GPC5: variants seen among roughly 807,000 people sequenced by gnomAD.
The protein encoded by GPC5 is glypican-5.
In GPC5, 47 loss-of-function variants were observed where a neutral mutation model predicts 53.9. The observed-to-expected ratio is 0.87, with a 90% confidence interval of 0.69 to 1.11. GPC5 has a LOEUF of 1.11. Ranked by LOEUF, GPC5 falls within the 50% of genes most tolerant of loss-of-function variation. The pLI is 0.00. For missense variants in GPC5, 748 were observed against 713.1 expected (o/e 1.05, Z -0.56); for synonymous variants, 286 against 263.3 (o/e 1.09, Z -0.84).
intron 2 of GPC5, among the ~76,000 whole-genome samples, chr13:91,519,540 T>C (rs1885692046): frequency 6.6e-6 from 1 of 152,318 alleles, no homozygotes. Context: ...GTCTCCTTCT[T>C]CGGCCATGTG....
intron 7 of GPC5, among the ~76,000 whole-genome samples, chr13:92,527,985 T>G (rs1340758224): frequency 1.3e-5 from 2 of 152,164 alleles, no homozygotes; most frequent in Non-Finnish European, 2.9e-5. Context: ...CCAATGTTGA[T>G]TCATTCAATA....
intron 5 of GPC5, among the ~76,000 whole-genome samples, chr13:91,887,332 C>G (rs1177233412): frequency 6.6e-6 from 1 of 152,186 alleles, no homozygotes; most frequent in African/African-American, 2.4e-5. Context: ...GCACCTGCAC[C>G]TGGCCCAGGA....
chr13:91,500,529 GCA>G (rs1314626529), intron 2 of GPC5, among the ~76,000 whole-genome samples: 2 of 152,180 alleles, frequency 1.3e-5, no homozygotes, highest in African/African-American at 4.8e-5. Context: ...ATTTGGCCAT[GCA>G]TACACTATGT....
intron 5 of GPC5, among the ~76,000 whole-genome samples, chr13:91,890,914 C>T (rs2039378284): frequency 1.3e-5 from 2 of 152,240 alleles, no homozygotes; most frequent in South Asian, 4.1e-4. Context: ...GTGTACACAT[C>T]AATTTCTTAT....
At chr13:92,742,522 G>T (rs9523797) in intron 7 of GPC5, among the ~76,000 whole-genome samples, 42,843 of 135,944 alleles carry the variant, frequency 0.32, 7,807 homozygotes, top group East Asian at 0.84. Flanking sequence ...TTTCTCCCAT[G>T]TTGTAGGTTG....
At chr13:91,863,979 T>C (rs2039058276) in intron 5 of GPC5, among the ~76,000 whole-genome samples, 2 of 152,358 alleles carry the variant, frequency 1.3e-5, no homozygotes, top group South Asian at 4.1e-4. Flanking sequence ...TTATTGAGTA[T>C]TATTTACATG....
At chr13:92,481,014 C>G (rs1398709287) in intron 7 of GPC5, among the ~76,000 whole-genome samples, 1 of 152,164 alleles carries the variant, frequency 6.6e-6, no homozygotes. Flanking sequence ...CAGGTTCTCC[C>G]CTAGAACATC....
At chr13:91,417,271 T>C (rs1286849003) in intron 1 of GPC5, among the ~76,000 whole-genome samples, 1 of 152,114 alleles carries the variant, frequency 6.6e-6, no homozygotes, top group East Asian at 1.9e-4. Context: ...AACATATGGG[T>C]CCAAATATCA....
At chr13:92,557,760 A>G (rs1241031441) in intron 7 of GPC5, among the ~76,000 whole-genome samples, 1 of 151,874 alleles carries the variant, frequency 6.6e-6, no homozygotes, top group Non-Finnish European at 1.5e-5. Flanking sequence ...TGGCTCAGGA[A>G]TCAACTCCCC....
At chr13:92,786,490 A>G (rs1876237535) in intron 7 of GPC5, among the ~76,000 whole-genome samples, 1 of 152,114 alleles carries the variant, frequency 6.6e-6, no homozygotes, top group Non-Finnish European at 1.5e-5. Flanking sequence ...ATCTGAAAAA[A>G]AGAGCCAAAG....
At chr13:92,379,905 A>G (rs181594743) in intron 7 of GPC5, among the ~76,000 whole-genome samples, 1 of 152,234 alleles carries the variant, frequency 6.6e-6, no homozygotes, top group East Asian at 1.9e-4. Flanking sequence ...CCGTCACCTG[A>G]TTAGTAGCAG....
intron 2 of GPC5, among the ~76,000 whole-genome samples, chr13:91,621,758 A>G (rs2033861668): frequency 1.3e-3 from 2 of 1,594 alleles, no homozygotes. Flanking sequence ...AAGGGACAGA[A>G]CATTATATAT....
intron 2 of GPC5, among the ~76,000 whole-genome samples, chr13:91,470,345 T>C (rs1882535577): frequency 6.6e-6 from 1 of 152,288 alleles, no homozygotes; most frequent in Non-Finnish European, 1.5e-5. Flanking sequence ...TAGAAAAAAG[T>C]GCTCATAACC....
chr13:91,799,861 T>C (rs895519612), intron 5 of GPC5, among the ~76,000 whole-genome samples: 7 of 152,186 alleles, frequency 4.6e-5, no homozygotes, highest in African/African-American at 1.7e-4. Context: ...ATGAATATTA[T>C]TGCTACCATA....
At chr13:91,400,318 G>A (rs556930380) in intron 1 of GPC5, among the ~76,000 whole-genome samples, 1 of 152,244 alleles carries the variant, frequency 6.6e-6, no homozygotes, top group African/African-American at 2.4e-5. Flanking sequence ...TCAATTTTAA[G>A]TCATCCCAGA....
At chr13:92,099,020 T>C (rs2041444187) in intron 6 of GPC5, among the ~76,000 whole-genome samples, 1 of 151,238 alleles carries the variant, frequency 6.6e-6, no homozygotes, top group Non-Finnish European at 1.5e-5. Flanking sequence ...TTACCTACAA[T>C]CCTGGAGATC....
At chr13:91,747,698 T>C (rs553613229) in intron 4 of GPC5, among the ~76,000 whole-genome samples, 1 of 152,114 alleles carries the variant, frequency 6.6e-6, no homozygotes, top group East Asian at 1.9e-4. Flanking sequence ...AATGTGATAA[T>C]TTCCATAAAT....
intron 7 of GPC5, among the ~76,000 whole-genome samples, chr13:92,588,932 G>A (rs1264796076): frequency 6.6e-6 from 1 of 152,094 alleles, no homozygotes; most frequent in African/African-American, 2.4e-5. Context: ...CCTAACCAAG[G>A]TGTATAGAAA....
chr13:92,671,799 T>G (rs1886759557), intron 7 of GPC5, among the ~76,000 whole-genome samples: 1 of 152,120 alleles, frequency 6.6e-6, no homozygotes, highest in Non-Finnish European at 1.5e-5. Context: ...AAAAGGGTTG[T>G]GCTTTGTCCT....
Sources: allele counts gnomAD v4.1 joint callset (sites outside exome capture counted in the v4.1 genomes callset), GRCh38; gene constraint gnomAD v4.1.1; transcripts MANE v1.5; gene names NCBI Gene and HGNC (gene_info 2026-07-23, HGNC 2026-07-21).